The following NIBAN2 variants were observed in gnomAD, a reference collection of about 807,000 sequenced individuals.
NIBAN2 encodes the protein protein Niban 2.
Under a neutral mutation model 81.8 loss-of-function variants are expected in NIBAN2, and 36 were observed. The observed-to-expected ratio is 0.44, with a 90% CI of 0.34 to 0.58. The LOEUF is 0.58. Among genes scored for constraint, NIBAN2 ranks in the 20% least tolerant of loss-of-function variants. NIBAN2 has a pLI of 0.02. For missense variants in NIBAN2, 897 were observed against 1,014.1 expected, an observed-to-expected ratio of 0.88 and a Z score of 1.57; for synonymous variants, 445 against 441.6, an observed-to-expected ratio of 1.01 and a Z score of -0.10.
chr9:127,574,213 C>T (rs1469301007), intron 1 of NIBAN2, among the ~76,000 whole-genome samples: 4 of 152,204 alleles, frequency 2.6e-5, no homozygotes, highest in Non-Finnish European at 5.9e-5. Context: ...TGGCAATGGT[C>T]TACATCTGGA....
chr9:127,506,661 G>A lies in NIBAN2; in HGVS notation c.*184C>T, dbSNP rs1836600584. Reference sequence around the variant, plus strand: ...CATCCCACAGAAGAGAAAACAGGGAGCAAGAAAGTGTTGACTGAACCCAAT... The same window carrying A: ...CATCCCACAGAAGAGAAAACAGGGAACAAGAAAGTGTTGACTGAACCCAAT... On this transcript the variant is annotated 3_prime_UTR_variant, in exon 14 of 14. Transcript: ENST00000373312. 6 of 473,602 alleles carry A rather than the reference G, an allele frequency of 1.3e-5. No individual in the cohort carries two copies. The highest frequency in any genetic ancestry group is 5.4e-5 in the South Asian group (1 of 18,510). The allele number at this position is 473,602 out of a possible 1,614,324, so 29.3% of individuals were successfully genotyped here.
chr9:127,572,160 G>C (rs1837957184), upstream of NIBAN2, among the ~76,000 whole-genome samples: 1 of 151,738 alleles, frequency 6.6e-6, no homozygotes. Context: ...CTCACCCTTG[G>C]GTTACCACAC....
chr9:127,553,983 C>T (rs1459342973), intron 1 of NIBAN2, among the ~76,000 whole-genome samples: 1 of 152,152 alleles, frequency 6.6e-6, no homozygotes, highest in African/African-American at 2.4e-5. Flanking sequence ...ACCCCAATGC[C>T]CCCACCCACG....
chr9:127,534,409 G>A (rs191382544), intron 1 of NIBAN2, among the ~76,000 whole-genome samples: 207 of 152,336 alleles, frequency 1.4e-3, no homozygotes, highest in Non-Finnish European at 2.5e-3. Flanking sequence ...GCCCAGGGAG[G>A]TTAAGTCACT....
At chr9:127,560,189 G>A (rs1170924644) in intron 1 of NIBAN2, among the ~76,000 whole-genome samples, 1 of 152,158 alleles carries the variant, frequency 6.6e-6, no homozygotes, top group Non-Finnish European at 1.5e-5. Context: ...AAGACCAGTG[G>A]TTGAAGGTCT....
chr9:127,571,895 G>A (rs1837950843), upstream of NIBAN2, among the ~76,000 whole-genome samples: 1 of 152,130 alleles, frequency 6.6e-6, no homozygotes, highest in South Asian at 2.1e-4. Flanking sequence ...AAATCTGGAG[G>A]GAACTTTAGG....
intron 8 of NIBAN2, among the ~76,000 whole-genome samples, chr9:127,515,217 T>A (rs181353636): frequency 2.0e-4 from 30 of 151,904 alleles, no homozygotes; most frequent in African/African-American, 5.6e-4. Context: ...CGAGACTCTG[T>A]CTCTTAAAAA....
intron 1 of NIBAN2, among the ~76,000 whole-genome samples, chr9:127,574,320 G>T (rs1419747061): frequency 6.6e-6 from 1 of 152,140 alleles, no homozygotes; most frequent in East Asian, 1.9e-4. Context: ...CCTTTCTCTG[G>T]AAGTGGCTTC....
chr9:127,568,753 G>A, intron 1 of NIBAN2, 67 bp downstream of exon 1: 1 of 1,201,264 alleles, frequency 8.3e-7, no homozygotes, highest in East Asian at 3.6e-5. Flanking sequence ...ACTGCTGGCC[G>A]GGGCGGGGGC....
In NIBAN2 at chr9:127,510,372, A is replaced by G. The variant is rs1041473600; in HGVS notation, c.974-39T>C. 2.0e-5 allele frequency: 30 copies of G among 1,526,598 alleles called. 1 individual carries two copies. Among genetic ancestry groups the G allele is most frequent in the African/African-American group, 1.1e-4 (8 of 72,680 alleles). The allele number at this position is 1,526,598 out of a possible 1,614,324, so 94.6% of individuals were successfully genotyped here. On this transcript the variant is annotated intron_variant, in intron 8 of 13. Coordinates refer to ENST00000373312, the MANE Select transcript of NIBAN2 (RefSeq NM_022833.4). Reference sequence around the variant, plus strand: ...GAGCCGGGTCAGCAGGGGCTCCCCAAGGAGCACCTCCCAGCCATCCCAGAG... The same window carrying G: ...GAGCCGGGTCAGCAGGGGCTCCCCAGGGAGCACCTCCCAGCCATCCCAGAG...
rs1836864087 is a variant in NIBAN2, at chr9:127,517,889, G to A, written c.642C>T (p.Arg214=). The A allele has an allele frequency of 1.9e-6, 3 of 1,613,384 alleles. No individual in the cohort carries two copies. The highest frequency in any genetic ancestry group is 2.5e-6 in the Non-Finnish European group (3 of 1,179,770). Reference sequence around the variant, plus strand: ...ACAGCTCCTTGGACTGTCGGTACATGCGGATGGCATCTGTGAACGCAGGGC... The same window carrying A: ...ACAGCTCCTTGGACTGTCGGTACATACGGATGGCATCTGTGAACGCAGGGC... ...VEGPAFTDAI[R]MYRQSKELYG... is the part of the protein sequence containing the mutation. Residue 214 remains arginine (R), a synonymous_variant, in exon 6 of 14, where the codon CGC becomes CGT. Transcript: ENST00000373312. The surrounding 1 kb of genome is among the most constrained non-coding windows in gnomAD (Gnocchi z 4.0).
intron 1 of NIBAN2, among the ~76,000 whole-genome samples, chr9:127,574,301 C>A (rs1441452893): frequency 1.3e-5 from 2 of 152,164 alleles, no homozygotes; most frequent in East Asian, 3.8e-4. Context: ...CAGGTCCTGA[C>A]TCATCAGGCC....
chr9:127,535,246 C>T (rs1371881729), intron 1 of NIBAN2, among the ~76,000 whole-genome samples: 1 of 152,166 alleles, frequency 6.6e-6, no homozygotes, highest in East Asian at 1.9e-4. Flanking sequence ...GCTGCCATTG[C>T]TGTGAGGACT....
intron 9 of NIBAN2, 76 bp from the exon 10 acceptor site, chr9:127,509,207 G>C: frequency 7.0e-7 from 1 of 1,421,098 alleles, no homozygotes; most frequent in Non-Finnish European, 9.4e-7. Flanking sequence ...ACTTTGCCTG[G>C]GTCCTCGAAG....
chr9:127,576,760 C>T (rs561502391), intron 1 of NIBAN2, among the ~76,000 whole-genome samples: 9 of 141,254 alleles, frequency 6.4e-5, no homozygotes, highest in African/African-American at 1.9e-4. Flanking sequence ...TTTTTTTTTT[C>T]CCAAGACAGA....
chr9:127,507,404 T>C lies in NIBAN2; in HGVS notation c.1682A>G (p.Lys561Arg). The C allele has an allele frequency of 6.6e-7, 1 of 1,517,370 alleles. No homozygotes were observed. The allele number at this position is 1,517,370 out of a possible 1,614,324, so 94.0% of individuals were successfully genotyped here. A position where few individuals can be genotyped will look rare whatever the true frequency, so the allele number is the denominator to read the frequency against. Residue 561 changes from lysine (K) to arginine (R), a missense_variant, in exon 14 of 14, where the codon AAG becomes AGG. Around this residue, in one of 3 missense-constraint regions of NIBAN2, gnomAD observed 619 missense variants for 691.0 expected, o/e 0.90. Coordinates refer to ENST00000373312, the MANE Select transcript of NIBAN2 (RefSeq NM_022833.4). The surrounding 1 kb of genome is among the most constrained non-coding windows in gnomAD (Gnocchi z 6.8). Reference sequence around the variant, plus strand: ...CATGCTGTCCCGGTAGAGGTTGTGCTTCCTCTGCACCGCGGCCTCCTTCAC... The same window carrying C: ...CATGCTGTCCCGGTAGAGGTTGTGCCTCCTCTGCACCGCGGCCTCCTTCAC... ...QAVKEAAVQRKHNLYRDSMVM... is the reference protein window; with the variant it reads ...QAVKEAAVQRRHNLYRDSMVM...
At chr9:127,521,363 G>T (rs1206135761) in intron 5 of NIBAN2, among the ~76,000 whole-genome samples, 1 of 152,156 alleles carries the variant, frequency 6.6e-6, no homozygotes, top group African/African-American at 2.4e-5. Flanking sequence ...TCACTCCCAG[G>T]CAGCAGACAG....
intron 1 of NIBAN2, among the ~76,000 whole-genome samples, chr9:127,578,754 G>A (rs987405381): frequency 2.6e-5 from 4 of 151,990 alleles, no homozygotes; most frequent in African/African-American, 9.7e-5. Context: ...CGCTTTGGGA[G>A]GTCAAGAAGT....
intron 1 of NIBAN2, among the ~76,000 whole-genome samples, chr9:127,562,082 G>A (rs951755849): frequency 1.3e-5 from 2 of 152,190 alleles, no homozygotes; most frequent in Admixed American, 6.5e-5. Flanking sequence ...GGAGAATGGG[G>A]CTGGTCAGAG....
Sources: gnomAD v4.1 joint callset for allele counts (sites outside exome capture counted in the v4.1 genomes callset) on GRCh38, gnomAD v4.1.1 for gene constraint, gnomAD v4.1.1 regional missense constraint, Gnocchi (gnomAD v3.1) non-coding constraint, MANE v1.5 for transcripts, NCBI Gene and HGNC (gene_info 2026-07-23, HGNC 2026-07-21) for gene names.